LDAH: variants seen among roughly 807,000 people sequenced by gnomAD.
The protein encoded by LDAH is lipid droplet associated hydrolase, also known as lipid droplet-associated hydrolase.
Under a neutral mutation model 29.6 loss-of-function variants are expected in LDAH, and 26 were observed. The ratio of observed to expected loss-of-function variants is 0.88; its 90% CI spans 0.64 to 1.22. LDAH has a LOEUF of 1.22. Ranked by LOEUF, LDAH falls within the 50% of genes most tolerant of loss-of-function variation. The pLI is 0.00. For missense variants in LDAH, 344 were observed against 387.3 expected (o/e 0.89, Z 0.94); for synonymous variants, 117 against 133.0 (o/e 0.88, Z 0.83).
rs1668190009 is a variant in LDAH, at chr2:20,754,508, A to AG, written c.469-14304_469-14303insC. On this transcript the variant is annotated intron_variant, in intron 4 of 6. Coordinates refer to ENST00000237822, the MANE Select transcript of LDAH (RefSeq NM_021925.4). ...TCCAACTACCCTCGCCACAAAAAAA[A>AG]AAAAAAAAAAAAAGGAAAAGAAAAG... 1.3e-5 allele frequency among the ~76,000 whole-genome samples: 2 copies of AG among 151,008 alleles called. 1 individual carries two copies. Among genetic ancestry groups the AG allele is most frequent in the Non-Finnish European group, 3.0e-5 (2 of 67,742 alleles).
chr2:20,808,383 C>T (rs1672224504), intron 1 of LDAH, among the ~76,000 whole-genome samples: 1 of 152,012 alleles, frequency 6.6e-6, no homozygotes, highest in Admixed American at 6.6e-5. Flanking sequence ...AAGACAAGGC[C>T]GGGCGCGGTG....
chr2:20,765,097 A>T (rs1415541425), intron 4 of LDAH, among the ~76,000 whole-genome samples: 1 of 152,220 alleles, frequency 6.6e-6, no homozygotes, highest in Non-Finnish European at 1.5e-5. Flanking sequence ...TTTTGCAAAG[A>T]CATAAATATT....
intron 4 of LDAH, among the ~76,000 whole-genome samples, chr2:20,765,895 A>C (rs746700166): frequency 6.6e-6 from 1 of 152,178 alleles, no homozygotes; most frequent in Non-Finnish European, 1.5e-5. Context: ...TGGTGAAAGT[A>C]AGTCACATGC....
chr2:20,691,738 A>C (rs990040700), intron 6 of LDAH, among the ~76,000 whole-genome samples: 1 of 152,226 alleles, frequency 6.6e-6, no homozygotes, highest in South Asian at 2.1e-4. Context: ...TCTGTTTCCA[A>C]ATTGTCATGT....
At chr2:20,818,012 G>A (rs1672972749) in intron 1 of LDAH, among the ~76,000 whole-genome samples, 1 of 152,142 alleles carries the variant, frequency 6.6e-6, no homozygotes, top group Admixed American at 6.5e-5. Flanking sequence ...GGAGCCTTGT[G>A]GTGATGGAAT....
chr2:20,752,594 A>G (rs1668042494), intron 4 of LDAH, among the ~76,000 whole-genome samples: 1 of 152,178 alleles, frequency 6.6e-6, no homozygotes, highest in Non-Finnish European at 1.5e-5. Context: ...AACAAGACAG[A>G]TACACAGGTC....
intron 1 of LDAH, among the ~76,000 whole-genome samples, chr2:20,810,329 T>C (rs1341726530): frequency 1.3e-5 from 2 of 152,230 alleles, no homozygotes; most frequent in Non-Finnish European, 2.9e-5. Context: ...AATGGTGGCT[T>C]GGTTCCAAGA....
Position 20,685,662 on chromosome 2 carries a change from G to A in LDAH, c.*1241C>T, listed in dbSNP as rs1558371050. The A allele has an allele frequency of 1.3e-6, 2 of 1,548,214 alleles. No homozygotes were observed. Among genetic ancestry groups the A allele is most frequent in the African/African-American group, 2.7e-5 (2 of 72,880 alleles). On this transcript the variant is annotated 3_prime_UTR_variant, in exon 7 of 7. Coordinates refer to ENST00000237822, the MANE Select transcript of LDAH (RefSeq NM_021925.4). Reference sequence around the variant, plus strand: ...TAATGCCATGAGGGATTTCCTCTAGGAGAAAAAGGAATATTTCTGATCCAT... The same window carrying A: ...TAATGCCATGAGGGATTTCCTCTAGAAGAAAAAGGAATATTTCTGATCCAT...
In LDAH at chr2:20,714,890, A is replaced by G. The variant is rs886174648; in HGVS notation, c.704-13238T>C. The stretch of plus-strand genomic sequence containing the variant: ...GGATCTGAAATTGAGGCAATAATCA[A>G]TGGCCTACCAACCAAAAAAAGTCCA... On this transcript the variant is annotated intron_variant, in intron 5 of 6. Transcript: ENST00000237822. 2.0e-5 allele frequency among the ~76,000 whole-genome samples: 3 copies of G among 152,334 alleles called. No individual in the cohort carries two copies. The East Asian group carries it at 5.8e-4, about 29-fold the overall frequency.
intron 4 of LDAH, among the ~76,000 whole-genome samples, chr2:20,741,984 T>C (rs537348615): frequency 2.6e-5 from 4 of 152,324 alleles, no homozygotes; most frequent in South Asian, 2.1e-4. Flanking sequence ...TCCTGGCTCA[T>C]TGCAGCATCC....
chr2:20,697,578 CT>C (rs1276634809), intron 6 of LDAH, among the ~76,000 whole-genome samples: 1 of 152,180 alleles, frequency 6.6e-6, no homozygotes, highest in East Asian at 1.9e-4. Flanking sequence ...GACTGTCACC[CT>C]GTTACTCCCA....
intron 2 of LDAH, 139 bp from the exon 3 acceptor site, chr2:20,790,537 A>T: frequency 1.5e-6 from 1 of 682,266 alleles, no homozygotes; most frequent in Non-Finnish European, 2.4e-6. Context: ...GATTATCTTC[A>T]AACTTCCATT....
chr2:20,730,054 T>C (rs749301312), intron 5 of LDAH, among the ~76,000 whole-genome samples: 6 of 152,224 alleles, frequency 3.9e-5, no homozygotes, highest in African/African-American at 1.4e-4. Flanking sequence ...ATAAATGGAA[T>C]CACGCAGTAT....
At position 20,744,225 on chromosome 2, in the gene LDAH, T is replaced by G. The variant is rs1389280332; in HGVS notation, c.469-4020A>C. Among the ~76,000 whole-genome samples, 41 of 23,050 alleles carry G rather than the reference T, an allele frequency of 1.8e-3. No homozygotes were observed. The African/African-American group carries it at 0.028, about 16-fold the overall frequency. 15.1% of individuals were successfully genotyped at this position (23,050 alleles called of 152,430 possible). ...GAAGCTTGCTCTATTCTCCTCAGAT[T>G]TTTTTTTTTTTTTTTTTGCCTTTTG... On this transcript the variant is annotated intron_variant, in intron 4 of 6. Coordinates refer to ENST00000237822, the MANE Select transcript of LDAH (RefSeq NM_021925.4).
intron 3 of LDAH, among the ~76,000 whole-genome samples, chr2:20,785,464 T>G (rs1271303840): frequency 6.6e-6 from 1 of 152,246 alleles, no homozygotes; most frequent in Non-Finnish European, 1.5e-5. Context: ...CCTCTGCCTA[T>G]TTTCAAGATT....
chr2:20,693,390 A>G (rs143125702), intron 6 of LDAH, among the ~76,000 whole-genome samples: 29 of 152,364 alleles, frequency 1.9e-4, no homozygotes, highest in African/African-American at 6.0e-4. Flanking sequence ...CAGAAAATGT[A>G]TAAGTATTAA....
At chr2:20,765,817 A>G (rs1668994475) in intron 4 of LDAH, among the ~76,000 whole-genome samples, 1 of 152,202 alleles carries the variant, frequency 6.6e-6, no homozygotes, top group African/African-American at 2.4e-5. Flanking sequence ...GAGGAAATAG[A>G]AGCTCCTAGT....
intron 4 of LDAH, among the ~76,000 whole-genome samples, chr2:20,753,785 G>A (rs1668122774): frequency 2.0e-5 from 3 of 152,164 alleles, no homozygotes; most frequent in Admixed American, 2.0e-4. Context: ...ACCTCCAGCA[G>A]GTCACTTCTA....
At chr2:20,702,513 C>T (rs13403407) in intron 5 of LDAH, among the ~76,000 whole-genome samples, 62,677 of 152,012 alleles carry the variant, frequency 0.41, 13,623 homozygotes, top group African/African-American at 0.54. Context: ...TTTGGTCTGA[C>T]GCCAGTCATC....
Sources: allele counts gnomAD v4.1 joint callset (sites outside exome capture counted in the v4.1 genomes callset), GRCh38; gene constraint gnomAD v4.1.1; transcripts MANE v1.5; gene names NCBI Gene and HGNC (gene_info 2026-07-23, HGNC 2026-07-21).